Variants in SPATA16 observed in about 807,000 individuals in gnomAD.
The protein encoded by SPATA16 is spermatogenesis-associated protein 16.
In SPATA16, 36 loss-of-function variants were observed where a neutral mutation model predicts 63.3. That is an observed-to-expected ratio of 0.57 (90% confidence interval 0.44 to 0.75). The LOEUF (loss-of-function observed/expected upper bound fraction) is 0.75, where lower values mean the gene tolerates loss of function less well. SPATA16 is among the 30% of genes least tolerant of loss of function. The pLI is 0.00. For missense variants in SPATA16, 646 were observed against 679.3 expected (o/e 0.95, Z 0.54); for synonymous variants, 203 against 216.7 (o/e 0.94, Z 0.56).
chr3:172,912,883 C>G (rs1732400240), intron 10 of SPATA16, among the ~76,000 whole-genome samples: 1 of 152,158 alleles, frequency 6.6e-6, no homozygotes, highest in African/African-American at 2.4e-5. Context: ...CACAGGGCCT[C>G]TGAGTTCATT....
At chr3:173,021,894 G>T (rs1486077535) in intron 3 of SPATA16, among the ~76,000 whole-genome samples, 1 of 152,024 alleles carries the variant, frequency 6.6e-6, no homozygotes, top group Non-Finnish European at 1.5e-5. Context: ...CCAGCCTTTG[G>T]CATCTTTTTG....
chr3:173,086,904 G>T (rs1333812298), intron 2 of SPATA16, among the ~76,000 whole-genome samples: 1 of 151,524 alleles, frequency 6.6e-6, no homozygotes, highest in Non-Finnish European at 1.5e-5. Context: ...AGAGACTTAT[G>T]ATTTCAGCTC....
chr3:173,047,520 A>C (rs1306297321), intron 3 of SPATA16, among the ~76,000 whole-genome samples: 2 of 151,944 alleles, frequency 1.3e-5, no homozygotes, highest in Non-Finnish European at 2.9e-5. Context: ...AATAGCTTTC[A>C]AATGTTTGTT....
chr3:173,131,697 A>G (rs1213025157), intron 1 of SPATA16, among the ~76,000 whole-genome samples: 1 of 152,190 alleles, frequency 6.6e-6, no homozygotes, highest in East Asian at 1.9e-4. Context: ...AGGGCTTTGG[A>G]GAAACAGCAC....
intron 4 of SPATA16, among the ~76,000 whole-genome samples, chr3:172,984,430 CT>C (rs1466303772): frequency 1.3e-5 from 2 of 152,332 alleles, no homozygotes; most frequent in East Asian, 3.9e-4. Context: ...TTCCTTCCCC[CT>C]TACTGCCTGC....
chr3:173,108,307 T>C (rs1737667630), intron 2 of SPATA16, among the ~76,000 whole-genome samples: 1 of 152,196 alleles, frequency 6.6e-6, no homozygotes, highest in African/African-American at 2.4e-5. Context: ...TATGAGATTA[T>C]GTTCAGTATA....
intron 3 of SPATA16, among the ~76,000 whole-genome samples, chr3:173,029,421 G>GTTT (rs201383554): frequency 6.8e-6 from 1 of 146,924 alleles, no homozygotes; most frequent in Non-Finnish European, 1.5e-5. Context: ...TTTTTTGTTT[G>GTTT]TTTGTTTTGT....
chr3:173,061,469 C>G (rs990124458), intron 2 of SPATA16, among the ~76,000 whole-genome samples: 1 of 152,168 alleles, frequency 6.6e-6, no homozygotes, highest in Non-Finnish European at 1.5e-5. Context: ...TTTTAAAAAT[C>G]TCTTCCCTTG....
intron 1 of SPATA16, among the ~76,000 whole-genome samples, chr3:173,140,421 C>T (rs1197928684): frequency 6.6e-6 from 1 of 152,168 alleles, no homozygotes; most frequent in East Asian, 1.9e-4. Context: ...CGCTGAACAA[C>T]CTTTGAACAG....
intron 4 of SPATA16, among the ~76,000 whole-genome samples, chr3:172,986,068 T>C (rs1430815857): frequency 6.6e-6 from 1 of 152,182 alleles, no homozygotes; most frequent in Non-Finnish European, 1.5e-5. Flanking sequence ...TCTCTGGCTA[T>C]ATTGGGAACA....
At chr3:173,071,037 C>T (rs1381123640) in intron 2 of SPATA16, among the ~76,000 whole-genome samples, 1 of 152,118 alleles carries the variant, frequency 6.6e-6, no homozygotes, top group Non-Finnish European at 1.5e-5. Flanking sequence ...AAGCTGGAGA[C>T]GCCATATTGC....
chr3:172,936,435 C>T (rs902964934), intron 6 of SPATA16, among the ~76,000 whole-genome samples: 2 of 152,166 alleles, frequency 1.3e-5, no homozygotes, highest in African/African-American at 4.8e-5. Context: ...TGTGTACCCT[C>T]CCTCTTCTGT....
chr3:173,128,513 A>T (rs1001706545), intron 1 of SPATA16, among the ~76,000 whole-genome samples: 1 of 152,138 alleles, frequency 6.6e-6, no homozygotes, highest in East Asian at 1.9e-4. Context: ...TTGATTCAGC[A>T]TGTCTGGGGT....
chr3:173,102,985 A>G lies in SPATA16; in HGVS notation c.612+14135T>C, dbSNP rs558483119. Reference sequence around the variant, plus strand: ...ATAAAAGGGAGAAATCAGCCAGAAGAAAAGGGCTATATGCCCCATGCATGT... The same window carrying G: ...ATAAAAGGGAGAAATCAGCCAGAAGGAAAGGGCTATATGCCCCATGCATGT... On this transcript the variant is annotated intron_variant, in intron 2 of 10. Transcript: ENST00000351008. Among the ~76,000 whole-genome samples, 76 of 152,332 alleles carry G rather than the reference A, an allele frequency of 5.0e-4. 1 individual carries two copies. Among genetic ancestry groups the G allele is most frequent in the Admixed American group, 2.7e-3 (41 of 15,300 alleles).
chr3:172,944,409 G>A (rs78398591), intron 6 of SPATA16, among the ~76,000 whole-genome samples: 8,267 of 152,246 alleles, frequency 0.054, 756 homozygotes, highest in African/African-American at 0.19. Flanking sequence ...CACTTCTGGT[G>A]AGAATGTGAA....
intron 2 of SPATA16, among the ~76,000 whole-genome samples, chr3:173,089,477 G>T (rs1297186909): frequency 6.6e-6 from 1 of 152,206 alleles, no homozygotes; most frequent in Non-Finnish European, 1.5e-5. Flanking sequence ...GTTAACAGCT[G>T]TAATGGAGTG....
At chr3:172,910,293 C>A (rs1732340891) in intron 10 of SPATA16, among the ~76,000 whole-genome samples, 1 of 152,012 alleles carries the variant, frequency 6.6e-6, no homozygotes, top group African/African-American at 2.4e-5. Context: ...GGGGTTTCAC[C>A]ATGTTGGCCA....
chr3:173,051,902 C>G (rs2108295622), intron 2 of SPATA16, among the ~76,000 whole-genome samples: 1 of 152,036 alleles, frequency 6.6e-6, no homozygotes, highest in South Asian at 2.1e-4. Context: ...GCCTCCACCT[C>G]CCAAGTTCAA....
At chr3:173,072,227 G>A (rs920340412) in intron 2 of SPATA16, among the ~76,000 whole-genome samples, 7 of 152,196 alleles carry the variant, frequency 4.6e-5, no homozygotes, top group Non-Finnish European at 7.3e-5. Flanking sequence ...GGAATATAAT[G>A]CAGTCATAAA....
Sources: gnomAD v4.1 joint callset for allele counts (sites outside exome capture counted in the v4.1 genomes callset) on GRCh38, gnomAD v4.1.1 for gene constraint, MANE v1.5 for transcripts, NCBI Gene and HGNC (gene_info 2026-07-23, HGNC 2026-07-21) for gene names.